SLC38A12: variants seen among roughly 807,000 people sequenced by gnomAD.
The protein encoded by SLC38A12 is putative sodium-coupled neutral amino acid transporter 12.
the SLC38A12 span, chr17:74,795,596 G>A: frequency 3.7e-6 from 6 of 1,614,016 alleles, no homozygotes; most frequent in South Asian, 4.4e-5. Context: ...GGTGCTGGGG[G>A]CCCCTGCGCC....
chr17:74,828,958 C>T, the SLC38A12 span, among the ~76,000 whole-genome samples: 3,227 of 152,106 alleles, frequency 0.021, 102 homozygotes, highest in African/African-American at 0.073. Flanking sequence ...CACTGAGACA[C>T]CCATAGAAAT....
At chr17:74,801,780 C>T in the SLC38A12 span, among the ~76,000 whole-genome samples, 14 of 152,112 alleles carry the variant, frequency 9.2e-5, no homozygotes, top group Non-Finnish European at 1.6e-4. Context: ...CAGGGACAGG[C>T]CTGTGTTGTT....
chr17:74,825,107 T>C, the SLC38A12 span, among the ~76,000 whole-genome samples: 1 of 152,308 alleles, frequency 6.6e-6, no homozygotes, highest in South Asian at 2.1e-4. Flanking sequence ...ACTCAACTAG[T>C]GCCTCTCAGA....
At chr17:74,827,586 G>A in the SLC38A12 span, among the ~76,000 whole-genome samples, 16 of 152,196 alleles carry the variant, frequency 1.1e-4, no homozygotes, top group African/African-American at 2.4e-4. The surrounding 1 kb of genome is among the most constrained non-coding windows in gnomAD (Gnocchi z 4.7). Flanking sequence ...ATGAACCACC[G>A]TGCCCGGCCG....
At chr17:74,778,960 A>G in the SLC38A12 span, among the ~76,000 whole-genome samples, 92,813 of 151,836 alleles carry the variant, frequency 0.61, 28,831 homozygotes, top group Non-Finnish European at 0.64. Context: ...GAGCCACTGC[A>G]CCCAGCCTCT....
At chr17:74,837,794 G>C in the SLC38A12 span, 1 of 985,858 alleles carries the variant, frequency 1.0e-6, no homozygotes. Context: ...AAACACAGGT[G>C]ACTCGAATGA....
the SLC38A12 span, chr17:74,836,934 A>G: frequency 4.5e-6 from 6 of 1,335,884 alleles, no homozygotes; most frequent in Admixed American, 1.1e-4. The surrounding 1 kb of genome is among the most constrained non-coding windows in gnomAD (Gnocchi z 4.2). Flanking sequence ...GGCTGCTCCC[A>G]AGTTCTAAGA....
At chr17:74,781,847 CCCCA>C in the SLC38A12 span, among the ~76,000 whole-genome samples, 4 of 152,192 alleles carry the variant, frequency 2.6e-5, no homozygotes, top group Non-Finnish European at 4.4e-5. Context: ...CCTCTTCCAG[CCCCA>C]CCCCTGCCCG....
the SLC38A12 span, among the ~76,000 whole-genome samples, chr17:74,805,527 G>A: frequency 6.6e-6 from 1 of 152,234 alleles, no homozygotes; most frequent in African/African-American, 2.4e-5. This position sits in a 1 kb window ranked among gnomAD's most constrained non-coding sequence, Gnocchi z 5.0. Context: ...TAGGGAGGAA[G>A]CTGGGGGCTT....
the SLC38A12 span, among the ~76,000 whole-genome samples, chr17:74,780,824 A>G: frequency 1.3e-5 from 2 of 152,236 alleles, no homozygotes; most frequent in Non-Finnish European, 2.9e-5. Context: ...GCAACAAAGC[A>G]AGACAACTGC....
the SLC38A12 span, among the ~76,000 whole-genome samples, chr17:74,821,308 G>A: frequency 5.9e-5 from 9 of 152,320 alleles, no homozygotes; most frequent in Middle Eastern, 3.4e-3. Context: ...ACGAGGGAGC[G>A]GGAGGACACC....
At chr17:74,790,495 A>G in the SLC38A12 span, among the ~76,000 whole-genome samples, 3 of 152,160 alleles carry the variant, frequency 2.0e-5, no homozygotes, top group African/African-American at 7.2e-5. Flanking sequence ...TGGCTTGGCC[A>G]CTACTCAGAT....
the SLC38A12 span, among the ~76,000 whole-genome samples, chr17:74,818,510 G>T: frequency 3.5e-5 from 5 of 143,076 alleles, no homozygotes; most frequent in African/African-American, 1.0e-4. Context: ...CCTCCTTATG[G>T]CCAGAGGTGG....
the SLC38A12 span, among the ~76,000 whole-genome samples, chr17:74,786,188 G>A: frequency 6.6e-6 from 1 of 151,824 alleles, no homozygotes. Context: ...AGGGAGGGTG[G>A]GTTCCACCTG....
chr17:74,782,764 G>A, the SLC38A12 span, among the ~76,000 whole-genome samples: 1 of 152,180 alleles, frequency 6.6e-6, no homozygotes, highest in African/African-American at 2.4e-5. Context: ...CGATGATGAT[G>A]TGATCCAACC....
At chr17:74,795,656 G>T in the SLC38A12 span, 1 of 1,579,716 alleles carries the variant, frequency 6.3e-7, no homozygotes, top group South Asian at 1.1e-5. Context: ...CCTCTGTGCC[G>T]CCTGCCCCAG....
the SLC38A12 span, chr17:74,785,719 A>G: frequency 4.3e-6 from 6 of 1,386,758 alleles, no homozygotes; most frequent in East Asian, 2.5e-5. Context: ...TCTACCCCGT[A>G]TCGAGCTCAG....
At chr17:74,797,862 G>A in the SLC38A12 span, among the ~76,000 whole-genome samples, 261 of 152,310 alleles carry the variant, frequency 1.7e-3, 1 homozygote, top group African/African-American at 5.1e-3. Context: ...TCTTATCCCT[G>A]TGCGTCTTTG....
the SLC38A12 span, among the ~76,000 whole-genome samples, chr17:74,805,803 C>T: frequency 2.6e-5 from 4 of 152,194 alleles, no homozygotes; most frequent in African/African-American, 9.7e-5. The surrounding 1 kb of genome is among the most constrained non-coding windows in gnomAD (Gnocchi z 5.0). Context: ...GCGCCGAGAG[C>T]ATGGACCGAG....
Sources: gnomAD v4.1 joint callset for allele counts (sites outside exome capture counted in the v4.1 genomes callset) on GRCh38, gnomAD v4.1.1 for gene constraint, Gnocchi (gnomAD v3.1) non-coding constraint, MANE v1.5 for transcripts, NCBI Gene and HGNC (gene_info 2026-07-23, HGNC 2026-07-21) for gene names.